Variants in OR51B5 observed in about 807,000 individuals in gnomAD.
OR51B5 encodes olfactory receptor family 51 subfamily B member 5.
For synonymous variants in OR51B5, 186 were observed against 144.8 expected (o/e 1.28, Z -2.04); for missense variants, 456 against 374.6 (o/e 1.22, Z -1.79).
At chr11:5,383,670 G>T (rs1286519229) in intron 1 of OR51B5, 1 of 152,138 alleles carries the variant, frequency 6.6e-6, no homozygotes, top group African/African-American at 2.4e-5. Context: ...AAAAGTTAGG[G>T]CTCTTCAGCT....
intron 1 of OR51B5, among the ~76,000 whole-genome samples, chr11:5,373,771 T>A (rs1457848118): frequency 1.3e-5 from 2 of 152,084 alleles, no homozygotes; most frequent in Non-Finnish European, 2.9e-5. Context: ...GCAGCGAGGC[T>A]GGGGGAGGGG....
chr11:5,503,086 G>A (rs1846320934), intron 1 of OR51B5, among the ~76,000 whole-genome samples: 1 of 152,082 alleles, frequency 6.6e-6, no homozygotes, highest in African/African-American at 2.4e-5. Flanking sequence ...ATATATAAAA[G>A]TACAAACATC....
At chr11:5,461,387 C>A (rs1851050490) in intron 1 of OR51B5, among the ~76,000 whole-genome samples, 1 of 152,314 alleles carries the variant, frequency 6.6e-6, no homozygotes, top group South Asian at 2.1e-4. Flanking sequence ...CACTGGCAAG[C>A]ATTTTGGCAG....
At chr11:5,417,292 A>T (rs36161878) in intron 1 of OR51B5, among the ~76,000 whole-genome samples, 2,741 of 149,964 alleles carry the variant, frequency 0.018, 48 homozygotes, top group Non-Finnish European at 0.027. Flanking sequence ...TGGATTAAAG[A>T]CTTAAACGTT....
At position 5,445,139 on chromosome 11, in the gene OR51B5, G is replaced by A. The variant is rs532625624; in HGVS notation, n.84+60430C>T. Among the ~76,000 whole-genome samples, 11 of 152,056 alleles carry A rather than the reference G, an allele frequency of 7.2e-5. No individual in the cohort carries two copies. The South Asian group carries it at 8.3e-4, about 11-fold the overall frequency. On this transcript the variant is annotated intron_variant and non_coding_transcript_variant, in intron 1 of 4. Coordinates refer to the OR51B5 transcript ENST00000415970. ...AACACACACTATAATCTATGTATTC[G>A]TACATTGATTATATAGACCAATTTA...
At chr11:5,422,540 T>G (rs1205959505) in intron 1 of OR51B5, 1 of 1,613,908 alleles carries the variant, frequency 6.2e-7, no homozygotes, top group African/African-American at 1.3e-5. Context: ...CTTTATGGAG[T>G]CTTCTGTCCT....
chr11:5,364,771 C>T (rs1166293535), intron 1 of OR51B5, among the ~76,000 whole-genome samples: 1 of 152,166 alleles, frequency 6.6e-6, no homozygotes, highest in Non-Finnish European at 1.5e-5. Context: ...ACAGGGTCCC[C>T]CCACCCTCTT....
At chr11:5,427,062 C>T (rs934044493) in intron 1 of OR51B5, among the ~76,000 whole-genome samples, 16 of 152,190 alleles carry the variant, frequency 1.1e-4, no homozygotes, top group African/African-American at 3.9e-4. Flanking sequence ...GGAACTTTGT[C>T]CTAGTCCATT....
chr11:5,386,510 T>C (rs1294922042), intron 1 of OR51B5, among the ~76,000 whole-genome samples: 4 of 152,236 alleles, frequency 2.6e-5, no homozygotes, highest in African/African-American at 9.6e-5. Context: ...CTAAATCATG[T>C]ATGGCCTCAA....
At chr11:5,492,430 A>G (rs1810304426) in intron 1 of OR51B5, among the ~76,000 whole-genome samples, 1 of 152,134 alleles carries the variant, frequency 6.6e-6, no homozygotes, top group South Asian at 2.1e-4. Context: ...ATTTGCTCTT[A>G]TTATAAATAT....
chr11:5,475,632 G>T (rs1358667108), intron 1 of OR51B5, among the ~76,000 whole-genome samples: 3 of 152,088 alleles, frequency 2.0e-5, no homozygotes, highest in African/African-American at 7.2e-5. Flanking sequence ...ATGATTAAAT[G>T]ATCTAACATA....
At chr11:5,441,416 G>GA in intron 1 of OR51B5, 2 of 1,613,966 alleles carry the variant, frequency 1.2e-6, no homozygotes, top group Non-Finnish European at 1.7e-6. Flanking sequence ...AGAGGATGCA[G>GA]AAAATCAGGG....
chr11:5,440,562 A>G, intron 1 of OR51B5: 1 of 1,606,030 alleles, frequency 6.2e-7, no homozygotes. Flanking sequence ...TGGGGCCTTC[A>G]GCCTTCCTCA....
chr11:5,498,191 A>G (rs1044232245), intron 1 of OR51B5, among the ~76,000 whole-genome samples: 1 of 152,184 alleles, frequency 6.6e-6, no homozygotes, highest in South Asian at 2.1e-4. Context: ...GCCAAATGCC[A>G]TGGTGCTGGA....
At chr11:5,393,943 G>A (rs1282656964) in intron 1 of OR51B5, among the ~76,000 whole-genome samples, 2 of 152,226 alleles carry the variant, frequency 1.3e-5, no homozygotes, top group East Asian at 3.9e-4. Flanking sequence ...TTATACTGAA[G>A]GAAGTCCCAT....
intron 1 of OR51B5, among the ~76,000 whole-genome samples, chr11:5,379,264 G>A (rs553861487): frequency 1.6e-4 from 24 of 152,024 alleles, no homozygotes; most frequent in Non-Finnish European, 2.8e-4. Context: ...TGAACAATGA[G>A]AACACATGGA....
At chr11:5,367,712 C>G (rs541341649) in intron 1 of OR51B5, among the ~76,000 whole-genome samples, 72 of 152,310 alleles carry the variant, frequency 4.7e-4, no homozygotes, top group Admixed American at 1.2e-3. Flanking sequence ...CAGTAGGTCT[C>G]AGCCTTATTG....
intron 1 of OR51B5, among the ~76,000 whole-genome samples, chr11:5,447,456 G>A (rs1850783212): frequency 6.6e-6 from 1 of 152,146 alleles, no homozygotes; most frequent in East Asian, 1.9e-4. Flanking sequence ...GCTTCCTGCT[G>A]TTACAAATCT....
intron 1 of OR51B5, among the ~76,000 whole-genome samples, chr11:5,360,290 A>C (rs1165485611): frequency 2.0e-5 from 3 of 152,038 alleles, no homozygotes; most frequent in Admixed American, 6.6e-5. Context: ...ACTCAAACAA[A>C]TTTACAAGAA....
Sources: allele counts gnomAD v4.1 joint callset (sites outside exome capture counted in the v4.1 genomes callset), GRCh38; gene constraint gnomAD v4.1.1; transcripts MANE v1.5; gene names NCBI Gene and HGNC (gene_info 2026-07-23, HGNC 2026-07-21).